CDC42BPA: variants seen among roughly 807,000 people sequenced by gnomAD.
CDC42BPA encodes serine/threonine-protein kinase MRCK alpha.
CDC42BPA carries 80 observed loss-of-function variants against 223.5 expected under a neutral mutation model. That is an observed-to-expected ratio of 0.36 (90% CI 0.30 to 0.43). The LOEUF (loss-of-function observed/expected upper bound fraction) is 0.43. Among genes scored for constraint, CDC42BPA ranks in the 20% least tolerant of loss-of-function variants. CDC42BPA has a pLI of 1.00. For synonymous variants in CDC42BPA, 694 were observed against 718.6 expected (o/e 0.97, Z 0.55); for missense variants, 1,743 against 2,099.9 (o/e 0.83, Z 3.32).
intron 2 of CDC42BPA, among the ~76,000 whole-genome samples, chr1:227,219,013 C>T (rs756531557): frequency 2.0e-5 from 3 of 152,132 alleles, no homozygotes; most frequent in Non-Finnish European, 4.4e-5. Context: ...CAAACACTGG[C>T]TATAAAATAC....
At chr1:227,176,090 C>T (rs6426580) in intron 5 of CDC42BPA, among the ~76,000 whole-genome samples, 128,140 of 152,122 alleles carry the variant, frequency 0.84, 54,261 homozygotes, top group Middle Eastern at 0.91. Context: ...GTAGCTGGGA[C>T]TACAGGCGTG....
chr1:227,231,855 T>C (rs1678038195), intron 2 of CDC42BPA, among the ~76,000 whole-genome samples: 1 of 152,242 alleles, frequency 6.6e-6, no homozygotes, highest in East Asian at 1.9e-4. Flanking sequence ...TGTAAATTTG[T>C]TTGAGTTCTT....
chr1:227,005,192 T>C (rs1375204784), intron 34 of CDC42BPA, 81 bp from the exon 35 acceptor site: 1 of 907,364 alleles, frequency 1.1e-6, no homozygotes, highest in East Asian at 2.4e-5. Flanking sequence ...TTCACTATAA[T>C]TACCAAGAAA....
intron 1 of CDC42BPA, among the ~76,000 whole-genome samples, chr1:227,256,879 A>T (rs2148316165): frequency 6.6e-6 from 1 of 152,070 alleles, no homozygotes; most frequent in Non-Finnish European, 1.5e-5. Flanking sequence ...CGCAGTAGCC[A>T]AAAGGTGGAA....
At chr1:227,133,028 C>A (rs1332975088) in intron 10 of CDC42BPA, among the ~76,000 whole-genome samples, 1 of 151,472 alleles carries the variant, frequency 6.6e-6, no homozygotes, top group Non-Finnish European at 1.5e-5. Flanking sequence ...CCACCCCGTC[C>A]GGGAGGGAGG....
intron 17 of CDC42BPA, among the ~76,000 whole-genome samples, chr1:227,074,649 C>T (rs1252305310): frequency 6.6e-6 from 1 of 152,144 alleles, no homozygotes; most frequent in Non-Finnish European, 1.5e-5. Context: ...AGAATTAACA[C>T]TCTTTAAATC....
chr1:227,062,877 T>C (rs976733188), intron 21 of CDC42BPA, among the ~76,000 whole-genome samples: 5 of 149,524 alleles, frequency 3.3e-5, no homozygotes, highest in Non-Finnish European at 7.4e-5. Context: ...TAGACTAGAG[T>C]CTGGAGTATG....
chr1:227,308,379 G>A (rs146133459), intron 1 of CDC42BPA, among the ~76,000 whole-genome samples: 1 of 151,800 alleles, frequency 6.6e-6, no homozygotes, highest in African/African-American at 2.4e-5. Context: ...GCATGGCAGC[G>A]TGCACCTGTA....
At chr1:227,299,899 T>C (rs1487047255) in intron 1 of CDC42BPA, among the ~76,000 whole-genome samples, 2 of 152,162 alleles carry the variant, frequency 1.3e-5, no homozygotes, top group South Asian at 2.1e-4. Context: ...AGAGTCATAA[T>C]GTTAAAGTAA....
intron 25 of CDC42BPA, among the ~76,000 whole-genome samples, 169 bp from the exon 26 acceptor site, chr1:227,034,963 GA>G (rs940958765): frequency 5.9e-5 from 9 of 152,166 alleles, no homozygotes; most frequent in African/African-American, 2.2e-4. Context: ...TAAGCTATGA[GA>G]AAATGTGAGA....
chr1:227,101,309 T>C, intron 14 of CDC42BPA, 70 bp from the exon 15 acceptor site: 1 of 962,860 alleles, frequency 1.0e-6, no homozygotes, highest in Non-Finnish European at 1.5e-6. Flanking sequence ...CTTCTTTCTG[T>C]AATATAAATG....
intron 14 of CDC42BPA, among the ~76,000 whole-genome samples, chr1:227,102,343 G>C (rs1183501908): frequency 6.6e-6 from 1 of 152,148 alleles, no homozygotes; most frequent in Non-Finnish European, 1.5e-5. Context: ...ATCGTCCAAT[G>C]GTTTATGAGG....
chr1:227,015,038 C>T (rs1182489662), intron 34 of CDC42BPA, among the ~76,000 whole-genome samples: 1 of 152,122 alleles, frequency 6.6e-6, no homozygotes, highest in Non-Finnish European at 1.5e-5. Flanking sequence ...TCCCCGCAGC[C>T]TCAAACTCCT....
At chr1:227,177,629 G>T (rs7523176) in intron 5 of CDC42BPA, among the ~76,000 whole-genome samples, 6 of 152,064 alleles carry the variant, frequency 3.9e-5, no homozygotes, top group South Asian at 2.1e-4. Context: ...GTGGGGTGGA[G>T]GGCAGGGGAG....
intron 2 of CDC42BPA, among the ~76,000 whole-genome samples, chr1:227,232,275 C>G (rs1678125628): frequency 6.6e-6 from 1 of 152,132 alleles, no homozygotes; most frequent in Non-Finnish European, 1.5e-5. Context: ...TCCGGTTTGT[C>G]AAAGATCAGA....
At chr1:227,092,627 T>C (rs1683287944) in intron 15 of CDC42BPA, among the ~76,000 whole-genome samples, 1 of 152,218 alleles carries the variant, frequency 6.6e-6, no homozygotes, top group Non-Finnish European at 1.5e-5. Context: ...CCTAGTGTTA[T>C]CAATTTGATT....
intron 19 of CDC42BPA, among the ~76,000 whole-genome samples, chr1:227,073,247 T>C (rs539605335): frequency 1.3e-5 from 2 of 152,304 alleles, no homozygotes; most frequent in African/African-American, 4.8e-5. Flanking sequence ...TTTTGAACCA[T>C]GTTTATAATC....
chr1:227,213,095 T>C lies in CDC42BPA; in HGVS notation c.354+41A>G, dbSNP rs370109992. 2.6e-5 allele frequency: 25 copies of C among 978,410 alleles called. 1 individual carries two copies. In the East Asian group the frequency reaches 2.9e-4, roughly 11 times the overall value. The allele number at this position is 978,410 out of a possible 1,614,324, so 60.6% of individuals were successfully genotyped here. A position where few individuals can be genotyped will look rare whatever the true frequency, so the allele number is the denominator to read the frequency against. ...GGAATTTTATAATTCCTGAAAAATA[T>C]TTCTAAAATATTTATATATTCCAAT... is the stretch of plus-strand genomic sequence containing the variant. On this transcript the variant is annotated intron_variant, in intron 3 of 36. Coordinates refer to ENST00000366766, the MANE Select transcript of CDC42BPA (RefSeq NM_001394014.1).
chr1:227,099,958 T>G (rs1422827159), intron 15 of CDC42BPA, among the ~76,000 whole-genome samples: 2 of 152,164 alleles, frequency 1.3e-5, no homozygotes, highest in African/African-American at 4.8e-5. Context: ...GTTATTGTCT[T>G]TTTGTACCAG....
Sources: gnomAD v4.1 joint callset for allele counts (sites outside exome capture counted in the v4.1 genomes callset) on GRCh38, gnomAD v4.1.1 for gene constraint, MANE v1.5 for transcripts, NCBI Gene and HGNC (gene_info 2026-07-23, HGNC 2026-07-21) for gene names.